ATP8A1: variants seen among roughly 807,000 people sequenced by gnomAD.
The protein encoded by ATP8A1 is phospholipid-transporting ATPase IA.
In ATP8A1, 90 loss-of-function variants were observed where a neutral mutation model predicts 177.7. The observed-to-expected ratio is 0.51, with a 90% CI of 0.43 to 0.60. The LOEUF (loss-of-function observed/expected upper bound fraction) is 0.60, where lower values mean the gene tolerates loss of function less well. ATP8A1 is among the 20% of genes least tolerant of loss of function. The probability of loss-of-function intolerance (pLI) is 0.00; values close to 1 mark genes in which losing one functional copy is unlikely to be tolerated. For missense variants in ATP8A1, 1,072 were observed against 1,392.8 expected, an observed-to-expected ratio of 0.77 and a Z score of 3.67; for synonymous variants, 493 against 485.9, an observed-to-expected ratio of 1.01 and a Z score of -0.19.
In ATP8A1 at chr4:42,470,308, C is replaced by T. The variant is rs142223109; in HGVS notation, c.2325-5232G>A. Among the ~76,000 whole-genome samples, 857 of 152,292 alleles carry T rather than the reference C, an allele frequency of 5.6e-3. 9 individuals carry two copies. Among genetic ancestry groups the T allele is most frequent in the African/African-American group, 0.019 (772 of 41,556 alleles). Reference sequence around the variant, plus strand: ...ATTTTTCTTATTTTCTATGCAGTAACTCTCACTGCCCTGTGAACGTTAGAT... The same window carrying T: ...ATTTTTCTTATTTTCTATGCAGTAATTCTCACTGCCCTGTGAACGTTAGAT... On this transcript the variant is annotated intron_variant, in intron 25 of 36. Transcript: ENST00000381668.
At position 42,656,919 on chromosome 4, in the gene ATP8A1, G is replaced by A. The variant is rs765342798; in HGVS notation, c.-46C>T. The A allele has an allele frequency of 7.3e-6, 11 of 1,499,828 alleles. No individual in the cohort carries two copies. In the African/African-American group the frequency reaches 1.6e-4, roughly 21 times the overall value. The allele number at this position is 1,499,828 out of a possible 1,614,324, so 92.9% of individuals were successfully genotyped here. On this transcript the variant is annotated 5_prime_UTR_variant, in exon 1 of 37. Coordinates refer to ENST00000381668, the MANE Select transcript of ATP8A1 (RefSeq NM_006095.2). ...GGTCCTCAGCCCGGACTCTGCACCT[G>A]TCACGGCGTGGTACACGCGGGAGAC...
chr4:42,545,925 G>A (rs1728868106), intron 19 of ATP8A1, among the ~76,000 whole-genome samples: 2 of 152,164 alleles, frequency 1.3e-5, no homozygotes, highest in South Asian at 4.1e-4. Context: ...AGTGAGCTGA[G>A]ATCGAGCCAC....
chr4:42,592,739 G>A (rs1734314841), intron 6 of ATP8A1, among the ~76,000 whole-genome samples: 1 of 152,064 alleles, frequency 6.6e-6, no homozygotes, highest in Admixed American at 6.5e-5. Context: ...ATATGGTATA[G>A]CAGATTGCTC....
At chr4:42,579,390 T>C (rs952470350) in intron 11 of ATP8A1, among the ~76,000 whole-genome samples, 2 of 147,886 alleles carry the variant, frequency 1.4e-5, no homozygotes, top group Non-Finnish European at 1.5e-5. Flanking sequence ...ATATTTATAT[T>C]ATTTAAATAT....
At chr4:42,594,406 T>C (rs746688517) in intron 6 of ATP8A1, 4 of 1,085,786 alleles carry the variant, frequency 3.7e-6, no homozygotes, top group African/African-American at 1.6e-5. Context: ...CATTGAAAGA[T>C]AGTTACAAAT....
intron 5 of ATP8A1, among the ~76,000 whole-genome samples, chr4:42,605,947 C>T (rs1409322762): frequency 6.6e-6 from 1 of 152,136 alleles, no homozygotes; most frequent in Non-Finnish European, 1.5e-5. Context: ...GCTGACATTC[C>T]TCTTCTCAAG....
At chr4:42,613,700 C>T (rs1046085309) in intron 5 of ATP8A1, among the ~76,000 whole-genome samples, 3 of 152,102 alleles carry the variant, frequency 2.0e-5, no homozygotes, top group African/African-American at 4.8e-5. Context: ...TCTCCTACCT[C>T]AGCCTCCCGA....
At chr4:42,549,626 T>TA (rs1250924468) in intron 18 of ATP8A1, among the ~76,000 whole-genome samples, 2 of 151,220 alleles carry the variant, frequency 1.3e-5, no homozygotes, top group African/African-American at 2.4e-5. Flanking sequence ...CCATCTCTAT[T>TA]AAAAAAATAA....
intron 33 of ATP8A1, among the ~76,000 whole-genome samples, chr4:42,441,274 C>G (rs1716611858): frequency 6.6e-6 from 1 of 151,972 alleles, no homozygotes; most frequent in African/African-American, 2.4e-5. Flanking sequence ...AGCTTTAAGA[C>G]AGTTGGCCAA....
At chr4:42,515,255 T>C (rs1725416690) in intron 22 of ATP8A1, among the ~76,000 whole-genome samples, 1 of 152,218 alleles carries the variant, frequency 6.6e-6, no homozygotes, top group Non-Finnish European at 1.5e-5. Flanking sequence ...AAATCACCCA[T>C]ACATCATGTA....
At chr4:42,574,852 T>C in intron 13 of ATP8A1, 145 bp from the exon 14 acceptor site, 1 of 594,502 alleles carries the variant, frequency 1.7e-6, no homozygotes, top group Non-Finnish European at 2.9e-6. Flanking sequence ...TATCAAGGAA[T>C]ATATTCAGCT....
At chr4:42,483,872 G>A (rs1721942001) in intron 25 of ATP8A1, among the ~76,000 whole-genome samples, 1 of 152,184 alleles carries the variant, frequency 6.6e-6, no homozygotes, top group Non-Finnish European at 1.5e-5. Context: ...CAGGTATCAA[G>A]TGTTACTCAT....
At chr4:42,529,960 T>C (rs1241679137) in intron 20 of ATP8A1, among the ~76,000 whole-genome samples, 7 of 152,222 alleles carry the variant, frequency 4.6e-5, no homozygotes, top group Non-Finnish European at 1.0e-4. Flanking sequence ...CAAAGAAATC[T>C]GGGGAAGAAG....
intron 16 of ATP8A1, among the ~76,000 whole-genome samples, chr4:42,553,577 T>C (rs1560451620): frequency 6.6e-6 from 1 of 152,092 alleles, no homozygotes; most frequent in Non-Finnish European, 1.5e-5. Context: ...AAGAGAAATG[T>C]CATTCAATTT....
chr4:42,616,099 G>C, intron 4 of ATP8A1, 21 bp from the exon 5 acceptor site: 4 of 1,602,628 alleles, frequency 2.5e-6, no homozygotes, highest in Non-Finnish European at 3.4e-6. Flanking sequence ...AAAGCAAAAA[G>C]AACAACTGTG....
At chr4:42,500,967 T>C (rs936833943) in intron 24 of ATP8A1, among the ~76,000 whole-genome samples, 1 of 152,192 alleles carries the variant, frequency 6.6e-6, no homozygotes, top group Admixed American at 6.6e-5. Context: ...AGATTTCTAT[T>C]ATCATAATCA....
chr4:42,596,684 A>AG (rs1553913108), intron 6 of ATP8A1, among the ~76,000 whole-genome samples: 8 of 150,466 alleles, frequency 5.3e-5, no homozygotes, highest in African/African-American at 2.0e-4. Context: ...AAAAAAAAAA[A>AG]GAAAAGAAAA....
At chr4:42,629,560 AG>A (rs980817724) in intron 1 of ATP8A1, among the ~76,000 whole-genome samples, 4 of 152,184 alleles carry the variant, frequency 2.6e-5, no homozygotes, top group Non-Finnish European at 4.4e-5. Flanking sequence ...TGACATGGAG[AG>A]CCATCAGGCA....
intron 23 of ATP8A1, among the ~76,000 whole-genome samples, chr4:42,506,107 T>G (rs1440845086): frequency 6.6e-6 from 1 of 152,142 alleles, no homozygotes; most frequent in Non-Finnish European, 1.5e-5. Flanking sequence ...AAGGAGGTAA[T>G]TAGGTTTCAA....
Sources: gnomAD v4.1 joint callset for allele counts (sites outside exome capture counted in the v4.1 genomes callset) on GRCh38, gnomAD v4.1.1 for gene constraint, MANE v1.5 for transcripts, NCBI Gene and HGNC (gene_info 2026-07-23, HGNC 2026-07-21) for gene names.